RCOR3: variants seen among roughly 807,000 people sequenced by gnomAD.
RCOR3 encodes the protein REST corepressor 3.
Under a neutral mutation model 64.1 loss-of-function variants are expected in RCOR3, and 13 were observed. The ratio of observed to expected loss-of-function variants is 0.20; its 90% confidence interval spans 0.13 to 0.32. The LOEUF (loss-of-function observed/expected upper bound fraction) is 0.32, where lower values mean the gene tolerates loss of function less well. Among genes scored for constraint, RCOR3 ranks in the 10% least tolerant of loss-of-function variants. The pLI is 1.00. For missense variants in RCOR3, 489 were observed against 701.2 expected (o/e 0.70, Z 3.42); for synonymous variants, 215 against 239.0 (o/e 0.90, Z 0.93).
intron 2 of RCOR3, among the ~76,000 whole-genome samples, chr1:211,270,066 CT>C (rs11390047): frequency 6.2e-5 from 9 of 144,612 alleles, no homozygotes; most frequent in Admixed American, 6.9e-5. Flanking sequence ...TTTATCTTGA[CT>C]TTTTTTTTTT....
In RCOR3 at chr1:211,316,031, T is replaced by A. The variant is rs1185799166; in HGVS notation, c.*2263T>A. ...GATTTAAAGATGTCTATGTCTTCTA[T>A]TTTTATATAATTTCATGTTCTATGA... On this transcript the variant is annotated 3_prime_UTR_variant, in exon 12 of 12. Transcript: ENST00000419091. 1 of 152,234 alleles carries A rather than the reference T, an allele frequency of 6.6e-6. No homozygotes were observed. The highest frequency in any genetic ancestry group is 1.5e-5 in the Non-Finnish European group (1 of 68,034). The allele number at this position is 152,234 out of a possible 1,614,324, so 9.4% of individuals were successfully genotyped here. A position where few individuals can be genotyped will look rare whatever the true frequency, so the allele number is the denominator to read the frequency against.
intron 9 of RCOR3, among the ~76,000 whole-genome samples, chr1:211,300,388 G>A (rs371312273): frequency 6.6e-5 from 10 of 151,970 alleles, no homozygotes; most frequent in South Asian, 2.1e-4. Flanking sequence ...ATTTTTCCAC[G>A]GAGCTGCCTC....
chr1:211,286,626 A>G (rs538925928), intron 7 of RCOR3, among the ~76,000 whole-genome samples: 4 of 152,102 alleles, frequency 2.6e-5, no homozygotes, highest in Admixed American at 6.6e-5. Context: ...CTATATTTCT[A>G]TTCTTATTGT....
chr1:211,285,233 A>AG lies in RCOR3; in HGVS notation c.721-3942dup, dbSNP rs1571898424. 2.0e-5 allele frequency among the ~76,000 whole-genome samples: 3 copies of AG among 152,360 alleles called. No individual in the cohort carries two copies. In the East Asian group the frequency reaches 5.8e-4, roughly 29 times the overall value. On this transcript the variant is annotated intron_variant, in intron 7 of 11. Transcript: ENST00000419091. ...ATATAATTTGAATAGAAGATATGAT[A>AG]GGGAACATTTTTCTGATCGTAAAGA...
intron 10 of RCOR3, among the ~76,000 whole-genome samples, chr1:211,307,005 T>C (rs1700911822): frequency 6.6e-6 from 1 of 152,232 alleles, no homozygotes. Context: ...CAACCCTAAG[T>C]ATCTAAATTT....
At chr1:211,267,196 G>A (rs563217642) in intron 2 of RCOR3, among the ~76,000 whole-genome samples, 1 of 152,272 alleles carries the variant, frequency 6.6e-6, no homozygotes, top group African/African-American at 2.4e-5. Flanking sequence ...CATATTTTTA[G>A]AGAGAAGGAA....
At chr1:211,296,073 A>G (rs1320328721) in intron 9 of RCOR3, among the ~76,000 whole-genome samples, 4 of 152,216 alleles carry the variant, frequency 2.6e-5, no homozygotes, top group African/African-American at 7.2e-5. Flanking sequence ...GTCTACAGCA[A>G]TGTTTGCTGA....
chr1:211,269,822 A>G (rs1003764999), intron 2 of RCOR3, among the ~76,000 whole-genome samples: 2 of 151,940 alleles, frequency 1.3e-5, no homozygotes, highest in African/African-American at 4.8e-5. Flanking sequence ...TTTCTAGGCT[A>G]TAAAATATTA....
At chr1:211,284,477 A>G (rs574004373) in intron 7 of RCOR3, among the ~76,000 whole-genome samples, 6 of 151,716 alleles carry the variant, frequency 4.0e-5, no homozygotes, top group African/African-American at 1.5e-4. Context: ...AGCAGTAAAT[A>G]AGTTCATGTT....
chr1:211,267,593 T>C (rs1695420113), intron 2 of RCOR3, among the ~76,000 whole-genome samples: 2 of 152,128 alleles, frequency 1.3e-5, no homozygotes, highest in Admixed American at 1.3e-4. Context: ...TTTTTGAAAC[T>C]TATTTATTTA....
chr1:211,266,542 T>C (rs1186589715), intron 2 of RCOR3, among the ~76,000 whole-genome samples: 1 of 152,220 alleles, frequency 6.6e-6, no homozygotes, highest in Non-Finnish European at 1.5e-5. Flanking sequence ...ACTATAGTCT[T>C]TTAAAATTAT....
chr1:211,276,247 C>A lies in RCOR3; in HGVS notation c.355-10C>A, dbSNP rs758728092. On this transcript the variant is annotated splice_polypyrimidine_tract_variant and intron_variant, in intron 4 of 11. Transcript: ENST00000419091. Reference sequence around the variant, plus strand: ...CATTAAAACCAAAGGGGAATGATTTCTCTTCAAAGGCACTTGGCATGTTGT... The same window carrying A: ...CATTAAAACCAAAGGGGAATGATTTATCTTCAAAGGCACTTGGCATGTTGT... 6.2e-7 allele frequency: 1 copy of A among 1,608,392 alleles called. No individual in the cohort carries two copies. The highest frequency in any genetic ancestry group is 8.5e-7 in the Non-Finnish European group (1 of 1,177,240).
chr1:211,284,101 T>G (rs1698199626), intron 7 of RCOR3, among the ~76,000 whole-genome samples: 1 of 152,058 alleles, frequency 6.6e-6, no homozygotes, highest in African/African-American at 2.4e-5. Context: ...TCGCCCAGGC[T>G]GGAGTGCAGT....
At chr1:211,277,826 A>T (rs1227531046) in intron 5 of RCOR3, among the ~76,000 whole-genome samples, 1 of 152,216 alleles carries the variant, frequency 6.6e-6, no homozygotes, top group African/African-American at 2.4e-5. Context: ...TGTGAATTAC[A>T]TATATTGAAT....
intron 7 of RCOR3, among the ~76,000 whole-genome samples, chr1:211,281,642 A>G (rs540930877): frequency 4.5e-4 from 68 of 152,246 alleles, no homozygotes; most frequent in African/African-American, 1.5e-3. Flanking sequence ...AGTGTTTTAG[A>G]TATGTCGTTT....
chr1:211,292,825 C>T (rs1699396505), intron 8 of RCOR3, among the ~76,000 whole-genome samples: 1 of 152,124 alleles, frequency 6.6e-6, no homozygotes, highest in Non-Finnish European at 1.5e-5. Flanking sequence ...GTGGCTCATG[C>T]CTGTAATCCC....
chr1:211,308,671 TTG>T (rs1558111367), intron 10 of RCOR3, among the ~76,000 whole-genome samples: 1 of 59,950 alleles, frequency 1.7e-5, no homozygotes, highest in African/African-American at 6.9e-5. Context: ...GTTTTTTTTT[TTG>T]TTTTTTTTTT....
intron 3 of RCOR3, among the ~76,000 whole-genome samples, chr1:211,273,269 A>T (rs1436127261): frequency 6.6e-6 from 1 of 152,194 alleles, no homozygotes; most frequent in Admixed American, 6.5e-5. Context: ...ATTTAATCAT[A>T]GGAGGAAGGT....
intron 7 of RCOR3, among the ~76,000 whole-genome samples, chr1:211,287,964 C>T (rs1281478343): frequency 6.6e-6 from 1 of 151,988 alleles, no homozygotes; most frequent in African/African-American, 2.4e-5. Context: ...AATCCTAGCA[C>T]TTTGAGAGCC....
Sources: gnomAD v4.1 joint callset for allele counts (sites outside exome capture counted in the v4.1 genomes callset) on GRCh38, gnomAD v4.1.1 for gene constraint, MANE v1.5 for transcripts, NCBI Gene and HGNC (gene_info 2026-07-23, HGNC 2026-07-21) for gene names.